The following GMDS variants were observed in gnomAD, a reference collection of about 807,000 sequenced individuals.
GMDS encodes the protein GDP-mannose 4,6 dehydratase.
In GMDS, 20 loss-of-function variants were observed where a neutral mutation model predicts 49.9. The observed-to-expected ratio is 0.40, with a 90% confidence interval of 0.28 to 0.58. The LOEUF (loss-of-function observed/expected upper bound fraction) is 0.58. GMDS is among the 20% of genes least tolerant of loss of function. The pLI is 0.42. For synonymous variants in GMDS, 177 were observed against 178.6 expected, an observed-to-expected ratio of 0.99 and a Z score of 0.07; for missense variants, 362 against 481.4, an observed-to-expected ratio of 0.75 and a Z score of 2.32.
chr6:2,018,544 C>T (rs910494925), intron 4 of GMDS, among the ~76,000 whole-genome samples: 5 of 152,152 alleles, frequency 3.3e-5, no homozygotes, highest in Non-Finnish European at 5.9e-5. Flanking sequence ...GCCTTCTATG[C>T]CTATAGATTT....
chr6:2,051,253 T>C (rs1770378343), intron 4 of GMDS, among the ~76,000 whole-genome samples: 1 of 152,230 alleles, frequency 6.6e-6, no homozygotes, highest in East Asian at 1.9e-4. Context: ...CTATGTTGGC[T>C]TCAGGTCTCC....
At chr6:2,023,968 A>C (rs1355696916) in intron 4 of GMDS, among the ~76,000 whole-genome samples, 1 of 152,226 alleles carries the variant, frequency 6.6e-6, no homozygotes, top group Non-Finnish European at 1.5e-5. Flanking sequence ...ACAAATTCTC[A>C]GGTTAAAAGA....
intron 7 of GMDS, among the ~76,000 whole-genome samples, chr6:1,789,820 GAGCCACCACACCC>G (rs1236445706): frequency 6.6e-6 from 1 of 152,098 alleles, no homozygotes; most frequent in Non-Finnish European, 1.5e-5. Flanking sequence ...TTGTGGGTGT[GAGCCACCACACCC>G]AGCCTAAAAT....
chr6:1,844,651 A>G (rs184898503), intron 7 of GMDS, among the ~76,000 whole-genome samples: 25 of 152,294 alleles, frequency 1.6e-4, no homozygotes, highest in East Asian at 7.7e-4. Flanking sequence ...AAAAAACCTG[A>G]TTTTAGCAGT....
At chr6:2,114,038 G>A (rs1774705263) in intron 4 of GMDS, among the ~76,000 whole-genome samples, 1 of 152,098 alleles carries the variant, frequency 6.6e-6, no homozygotes, top group Non-Finnish European at 1.5e-5. Flanking sequence ...ACACTATCAT[G>A]ATCACTACAA....
chr6:1,957,523 A>T (rs1369165633), intron 6 of GMDS, among the ~76,000 whole-genome samples: 2 of 152,236 alleles, frequency 1.3e-5, no homozygotes, highest in Non-Finnish European at 2.9e-5. Context: ...TATAGTTAAA[A>T]ATGTGGTACC....
At chr6:1,805,042 A>T (rs1388900909) in intron 7 of GMDS, among the ~76,000 whole-genome samples, 1 of 152,208 alleles carries the variant, frequency 6.6e-6, no homozygotes, top group Non-Finnish European at 1.5e-5. Flanking sequence ...CATCTATAAC[A>T]GAGTGTGAAC....
At chr6:2,058,022 T>C (rs770897153) in intron 4 of GMDS, among the ~76,000 whole-genome samples, 10 of 152,022 alleles carry the variant, frequency 6.6e-5, no homozygotes, top group Non-Finnish European at 1.3e-4. Flanking sequence ...ACTCAATCTT[T>C]ATATTAGCAT....
In GMDS at chr6:1,960,949, A is replaced by T. The variant is rs767608039; in HGVS notation, c.363T>A (p.Ala121=). 15 of 1,540,344 alleles carry T rather than the reference A, an allele frequency of 9.7e-6. No individual in the cohort carries two copies. Among genetic ancestry groups the T allele is most frequent in the Non-Finnish European group, 1.2e-5 (14 of 1,127,302 alleles). ...QSHVKISFDL[A]EYTADVDGVG... ...CTCCGTCAACGTCCGCAGTGTACTCAGCGAGGTCAAAGGAAATCTGGAAAA... is the reference window on the plus strand; with the variant it reads ...CTCCGTCAACGTCCGCAGTGTACTCTGCGAGGTCAAAGGAAATCTGGAAAA... The change falls in exon 5 of 11, where the codon GCT becomes GCA. Residue 121 remains alanine (A), a synonymous_variant. Transcript: ENST00000380815.
intron 4 of GMDS, among the ~76,000 whole-genome samples, chr6:2,110,119 G>A (rs1774461236): frequency 6.6e-6 from 1 of 152,090 alleles, no homozygotes; most frequent in South Asian, 2.1e-4. Context: ...TTGCAATTTT[G>A]TTTTGTTCTA....
At chr6:1,848,364 T>C (rs1054618329) in intron 7 of GMDS, among the ~76,000 whole-genome samples, 4 of 152,116 alleles carry the variant, frequency 2.6e-5, no homozygotes, top group Admixed American at 2.0e-4. Context: ...CTCAGCTCAG[T>C]TGGCAACTTC....
chr6:1,792,762 A>G (rs1769593151), intron 7 of GMDS, among the ~76,000 whole-genome samples: 1 of 152,184 alleles, frequency 6.6e-6, no homozygotes, highest in South Asian at 2.1e-4. Flanking sequence ...TCTTATTCCA[A>G]TATTGATAGA....
rs149775692 is a variant in GMDS at position 2,115,891 on chromosome 6, C to A, written c.236-11G>T. 5.3e-3 allele frequency: 7,404 copies of A among 1,388,896 alleles called. 39 individuals carry two copies. The highest frequency in any genetic ancestry group is 0.012 in the South Asian group (1,063 of 86,164). The allele number at this position is 1,388,896 out of a possible 1,614,324, so 86.0% of individuals were successfully genotyped here. ...AGTGCAACTTCATGTCTTCAGGATA[C>A]AAAAACATCCCATTAGATAGAGAAA... On this transcript the variant is annotated splice_polypyrimidine_tract_variant and intron_variant, in intron 3 of 10. Coordinates refer to ENST00000380815, the MANE Select transcript of GMDS (RefSeq NM_001500.4).
chr6:2,189,727 C>T lies in GMDS; in HGVS notation c.102+55594G>A, dbSNP rs532844033. On this transcript the variant is annotated intron_variant, in intron 1 of 10. Transcript: ENST00000380815. ...CTGGAGGATTGGAAGCACACTCTCA[C>T]ATTTGAAAATAATTACTTCTCAGTC... Among the ~76,000 whole-genome samples, 4 of 152,346 alleles carry T rather than the reference C, an allele frequency of 2.6e-5. No homozygotes were observed. In the South Asian group the frequency reaches 6.2e-4, roughly 24 times the overall value.
chr6:1,829,563 A>G (rs1771262772), intron 7 of GMDS, among the ~76,000 whole-genome samples: 1 of 152,112 alleles, frequency 6.6e-6, no homozygotes, highest in Non-Finnish European at 1.5e-5. Context: ...CTCAGCCTGT[A>G]AAGTAGCTGG....
intron 4 of GMDS, among the ~76,000 whole-genome samples, chr6:2,043,825 T>C (rs1176426473): frequency 6.6e-6 from 1 of 151,844 alleles, no homozygotes; most frequent in Non-Finnish European, 1.5e-5. Flanking sequence ...AATGGTCTAA[T>C]ATCCAACACA....
Position 1,821,716 on chromosome 6 carries a change from CTG to C in GMDS, c.772-79132_772-79131del, listed in dbSNP as rs929126995. Reference sequence around the variant, plus strand: ...TTTTGAAACTCTGGTCAAAACATAACTGTGACATAATAAATTTTTAAAGAAGT... The same window carrying C: ...TTTTGAAACTCTGGTCAAAACATAACTGACATAATAAATTTTTAAAGAAGT... On this transcript the variant is annotated intron_variant, in intron 7 of 10. Coordinates refer to ENST00000380815, the MANE Select transcript of GMDS (RefSeq NM_001500.4). Among the ~76,000 whole-genome samples the C allele has an allele frequency of 5.0e-5, 7 of 140,122 alleles. No homozygotes were observed. In the Admixed American group the frequency reaches 5.2e-4, roughly 11 times the overall value. 91.9% of individuals were successfully genotyped at this position (140,122 alleles called of 152,430 possible). A position where few individuals can be genotyped will look rare whatever the true frequency, so the allele number is the denominator to read the frequency against.
At chr6:2,044,315 G>A (rs1769865116) in intron 4 of GMDS, among the ~76,000 whole-genome samples, 1 of 152,084 alleles carries the variant, frequency 6.6e-6, no homozygotes, top group Non-Finnish European at 1.5e-5. Flanking sequence ...CAACCTAAAT[G>A]TCCATCAATA....
chr6:1,767,162 AAT>A (rs1365726717), intron 7 of GMDS, among the ~76,000 whole-genome samples: 1 of 152,188 alleles, frequency 6.6e-6, no homozygotes, highest in East Asian at 1.9e-4. Flanking sequence ...CCACAAAGGG[AAT>A]ATGATTTTAA....
Sources: allele counts gnomAD v4.1 joint callset (sites outside exome capture counted in the v4.1 genomes callset), GRCh38; gene constraint gnomAD v4.1.1; transcripts MANE v1.5; gene names NCBI Gene and HGNC (gene_info 2026-07-23, HGNC 2026-07-21).